Variants in LPP observed in about 807,000 individuals in gnomAD.
LPP encodes the protein LIM domain containing preferred translocation partner in lipoma, also known as lipoma-preferred partner.
A neutral mutation model predicts 60.4 loss-of-function variants in LPP; 38 were observed. The ratio of observed to expected loss-of-function variants is 0.63; its 90% CI spans 0.49 to 0.83. LPP has a LOEUF of 0.83. LPP is among the 40% of genes least tolerant of loss of function. The pLI is 0.00. For synonymous variants in LPP, 328 were observed against 290.8 expected, an observed-to-expected ratio of 1.13 and a Z score of -1.30; for missense variants, 902 against 783.6, an observed-to-expected ratio of 1.15 and a Z score of -1.80.
intron 4 of LPP, among the ~76,000 whole-genome samples, chr3:188,427,838 C>G (rs1350183395): frequency 6.6e-6 from 1 of 152,168 alleles, no homozygotes; most frequent in African/African-American, 2.4e-5. Flanking sequence ...TGGATCTTAG[C>G]TTGCTGGGCT....
intron 2 of LPP, among the ~76,000 whole-genome samples, chr3:188,260,319 A>T (rs1733131133): frequency 6.6e-6 from 1 of 152,166 alleles, no homozygotes; most frequent in Non-Finnish European, 1.5e-5. Flanking sequence ...CTGGGATTAG[A>T]GGCGTGAGCC....
intron 9 of LPP, among the ~76,000 whole-genome samples, chr3:188,774,414 C>A (rs1323082032): frequency 7.9e-6 from 1 of 126,614 alleles, no homozygotes. Flanking sequence ...AGACTATGAG[C>A]TCCTTAGGAG....
At chr3:188,230,140 C>T (rs950315017) in intron 2 of LPP, among the ~76,000 whole-genome samples, 1 of 151,498 alleles carries the variant, frequency 6.6e-6, no homozygotes, top group Non-Finnish European at 1.5e-5. Flanking sequence ...GGCCAGAGTG[C>T]GGTGGTGCGA....
intron 3 of LPP, among the ~76,000 whole-genome samples, chr3:188,375,017 T>TG (rs1192734989): frequency 6.6e-6 from 1 of 152,206 alleles, no homozygotes; most frequent in Non-Finnish European, 1.5e-5. Context: ...ATTTATTGAT[T>TG]TGTGTATGTT....
At chr3:188,490,724 T>G (rs1808077154) in intron 5 of LPP, among the ~76,000 whole-genome samples, 1 of 150,274 alleles carries the variant, frequency 6.7e-6, no homozygotes, top group African/African-American at 2.4e-5. Flanking sequence ...GAAAATCAAT[T>G]CAAGTTTTAG....
At chr3:188,500,074 C>G (rs1811382427) in intron 5 of LPP, among the ~76,000 whole-genome samples, 1 of 151,944 alleles carries the variant, frequency 6.6e-6, no homozygotes, top group Non-Finnish European at 1.5e-5. Context: ...TTAATTCTTT[C>G]TTTTTAATTT....
chr3:188,505,862 T>C (rs1813303334), intron 5 of LPP, among the ~76,000 whole-genome samples: 1 of 152,232 alleles, frequency 6.6e-6, no homozygotes, highest in Non-Finnish European at 1.5e-5. Flanking sequence ...AATATTATTT[T>C]CTTCCTTTGG....
chr3:188,184,730 T>C (rs1346309418), intron 1 of LPP, among the ~76,000 whole-genome samples: 1 of 144,446 alleles, frequency 6.9e-6, no homozygotes, highest in African/African-American at 2.6e-5. Flanking sequence ...AGAGCAGGGG[T>C]ACATTTTGTA....
chr3:188,256,547 A>C (rs1731733297), intron 2 of LPP, among the ~76,000 whole-genome samples: 1 of 152,162 alleles, frequency 6.6e-6, no homozygotes, highest in Non-Finnish European at 1.5e-5. Context: ...CTTTCAAGAA[A>C]AAGCCTATTT....
intron 4 of LPP, among the ~76,000 whole-genome samples, chr3:188,467,702 T>C (rs1800827104): frequency 6.6e-6 from 1 of 152,082 alleles, no homozygotes; most frequent in Non-Finnish European, 1.5e-5. Flanking sequence ...AGTGATGTGA[T>C]GTGAGAAAAA....
chr3:188,627,003 C>G (rs1846971140), intron 7 of LPP, among the ~76,000 whole-genome samples: 1 of 152,110 alleles, frequency 6.6e-6, no homozygotes, highest in South Asian at 2.1e-4. Flanking sequence ...TTCCTGATTA[C>G]TTTTTCTTAC....
At chr3:188,629,754 C>T (rs1847519295) in intron 7 of LPP, among the ~76,000 whole-genome samples, 1 of 151,880 alleles carries the variant, frequency 6.6e-6, no homozygotes, top group African/African-American at 2.4e-5. Flanking sequence ...TATGGAACCA[C>T]AAAGAGCCCA....
chr3:188,280,120 C>T (rs776699364), intron 2 of LPP, among the ~76,000 whole-genome samples: 6 of 152,192 alleles, frequency 3.9e-5, no homozygotes, highest in Non-Finnish European at 8.8e-5. Context: ...CACTGCCTTT[C>T]GTTTTCAGTG....
intron 9 of LPP, among the ~76,000 whole-genome samples, chr3:188,788,932 T>C (rs527586030): frequency 1.3e-5 from 2 of 152,304 alleles, no homozygotes; most frequent in African/African-American, 2.4e-5. Context: ...CTGTCCGTGT[T>C]GCATCATCAG....
At chr3:188,174,298 A>G (rs1288031698) in intron 1 of LPP, among the ~76,000 whole-genome samples, 1 of 152,238 alleles carries the variant, frequency 6.6e-6, no homozygotes, top group Non-Finnish European at 1.5e-5. Flanking sequence ...ACATTATGTT[A>G]CAGTCTGACT....
intron 3 of LPP, among the ~76,000 whole-genome samples, chr3:188,346,936 A>T (rs1335338891): frequency 6.6e-6 from 1 of 152,188 alleles, no homozygotes; most frequent in Admixed American, 6.5e-5. Flanking sequence ...ATTGAGTGAT[A>T]TTTTAATATT....
chr3:188,164,491 A>G (rs567741442), intron 1 of LPP, among the ~76,000 whole-genome samples: 8 of 152,192 alleles, frequency 5.3e-5, no homozygotes, highest in Non-Finnish European at 1.2e-4. Flanking sequence ...CAAGGAAGAA[A>G]ATAACTTGGT....
intron 2 of LPP, among the ~76,000 whole-genome samples, chr3:188,264,967 T>A (rs1386893905): frequency 6.6e-6 from 1 of 152,240 alleles, no homozygotes; most frequent in Non-Finnish European, 1.5e-5. Context: ...TTTATTTACC[T>A]GATCTCCTCA....
At chr3:188,430,117 G>A (rs551663366) in intron 4 of LPP, among the ~76,000 whole-genome samples, 62 of 152,164 alleles carry the variant, frequency 4.1e-4, no homozygotes, top group African/African-American at 1.4e-3. Flanking sequence ...TTTATCTATA[G>A]CTTAATAAAT....
Sources: gnomAD v4.1 joint callset for allele counts (sites outside exome capture counted in the v4.1 genomes callset) on GRCh38, gnomAD v4.1.1 for gene constraint, MANE v1.5 for transcripts, NCBI Gene and HGNC (gene_info 2026-07-23, HGNC 2026-07-21) for gene names.